C12orf60: variants seen among roughly 807,000 people sequenced by gnomAD.
The protein encoded by C12orf60 is uncharacterized protein C12orf60.
For synonymous variants in C12orf60, 102 were observed against 94.6 expected (o/e 1.08, Z -0.45); for missense variants, 284 against 283.2 (o/e 1.00, Z -0.02).
intron 1 of C12orf60, among the ~76,000 whole-genome samples, chr12:14,812,912 T>A (rs1180084976): frequency 6.6e-6 from 1 of 152,160 alleles, no homozygotes; most frequent in Non-Finnish European, 1.5e-5. Context: ...GTTTAAATAT[T>A]GTTGATTTGG....
intron 1 of C12orf60, chr12:14,805,915 C>G (rs1950040196): frequency 2.3e-6 from 3 of 1,285,120 alleles, no homozygotes; most frequent in African/African-American, 1.5e-5. Context: ...ATATTGGAAG[C>G]CTATAGAAAA....
intron 1 of C12orf60, among the ~76,000 whole-genome samples, chr12:14,813,200 G>A (rs532884045): frequency 1.3e-5 from 2 of 152,270 alleles, no homozygotes; most frequent in Admixed American, 6.5e-5. Flanking sequence ...AAAGAAAAAC[G>A]TGACCCTGTC....
At position 14,822,979 on chromosome 12, in the gene C12orf60, C is replaced by G; in HGVS notation, c.44C>G (p.Ala15Gly). The G allele has an allele frequency of 6.2e-7, 1 of 1,605,978 alleles. No individual in the cohort carries two copies. The highest frequency in any genetic ancestry group is 1.1e-5 in the South Asian group (1 of 90,514). ...SEKDKERLIQ[A>G]AKMFFFHVQD... ...AAGGATAAAGAGAGACTGATTCAAG[C>G]TGCCAAAATGTTCTTCTTTCATGTA... Residue 15 changes from alanine to glycine, a missense_variant, in exon 2 of 2, where the codon GCT (alanine) becomes GGT (glycine). By Grantham distance (60) the Ala-to-Gly change is moderately conservative. Coordinates refer to ENST00000330828, the MANE Select transcript of C12orf60 (RefSeq NM_175874.4).
intron 1 of C12orf60, among the ~76,000 whole-genome samples, chr12:14,818,177 G>T (rs973157518): frequency 1.3e-5 from 2 of 151,926 alleles, no homozygotes; most frequent in African/African-American, 4.8e-5. Flanking sequence ...TTTTGATAGG[G>T]TTGTAAATTT....
chr12:14,811,359 G>A (rs776629001), intron 1 of C12orf60, among the ~76,000 whole-genome samples: 3 of 152,174 alleles, frequency 2.0e-5, no homozygotes, highest in Non-Finnish European at 4.4e-5. Flanking sequence ...TGGAGCAGCT[G>A]TGCTTTCTCT....
chr12:14,804,308 A>G (rs1213302125), intron 1 of C12orf60, among the ~76,000 whole-genome samples: 1 of 152,032 alleles, frequency 6.6e-6, no homozygotes, highest in Non-Finnish European at 1.5e-5. Flanking sequence ...GTCAGCCCCC[A>G]CTTATTTCCC....
At chr12:14,808,267 G>C (rs187067627) in intron 1 of C12orf60, among the ~76,000 whole-genome samples, 1 of 152,108 alleles carries the variant, frequency 6.6e-6, no homozygotes, top group Non-Finnish European at 1.5e-5. Context: ...TAACAGTCAT[G>C]CTCTTCTGTG....
rs1950331194 is a variant in C12orf60 at position 14,823,090 on chromosome 12, A to G, written c.155A>G (p.Asn52Ser). The G allele has an allele frequency of 6.2e-7, 1 of 1,614,026 alleles. No homozygotes were observed. Among genetic ancestry groups the G allele is most frequent in the Non-Finnish European group, 8.5e-7 (1 of 1,180,024 alleles). The change falls in exon 2 of 2, where the codon AAC (asparagine) becomes AGC (serine). Residue 52 changes from asparagine to serine, a missense_variant. Physicochemically the swap from Asn to Ser is conservative, Grantham distance 46. Transcript: ENST00000330828. ...CAAATCCTTTTGATGGCTGTGAAAA[A>G]CAATAGTTACATTAAGGATTTTTTT... ...NTQILLMAVK[N>S]NSYIKDFFEQ...
At chr12:14,818,358 A>G (rs1023374657) in intron 1 of C12orf60, among the ~76,000 whole-genome samples, 5 of 152,202 alleles carry the variant, frequency 3.3e-5, no homozygotes, top group Non-Finnish European at 7.3e-5. Flanking sequence ...TTTTGTTGCA[A>G]TTGCTTTTGG....
At chr12:14,812,357 T>C (rs1950153899) in intron 1 of C12orf60, among the ~76,000 whole-genome samples, 1 of 151,754 alleles carries the variant, frequency 6.6e-6, no homozygotes, top group Non-Finnish European at 1.5e-5. Context: ...GGCAGGAGAA[T>C]GGCATGAGCC....
intron 1 of C12orf60, among the ~76,000 whole-genome samples, chr12:14,812,423 G>T (rs1173951999): frequency 6.6e-6 from 1 of 151,830 alleles, no homozygotes; most frequent in Non-Finnish European, 1.5e-5. Context: ...CGGCCTGGGT[G>T]ACAGAGGGAG....
chr12:14,803,801 C>A (rs977793537), intron 1 of C12orf60, 50 bp downstream of exon 1: 1 of 277,520 alleles, frequency 3.6e-6, no homozygotes, highest in Non-Finnish European at 6.7e-6. Context: ...AAGAAGCGTT[C>A]TGCGTTTTCT....
At chr12:14,810,209 C>T (rs1950115698) in intron 1 of C12orf60, among the ~76,000 whole-genome samples, 1 of 152,178 alleles carries the variant, frequency 6.6e-6, no homozygotes, top group Non-Finnish European at 1.5e-5. Context: ...ATATCTTCAG[C>T]AGGCCTGCCA....
rs377041354 is a variant in C12orf60 at position 14,824,185 on chromosome 12, A to G, written c.*512A>G. 2 of 152,470 alleles carry G rather than the reference A, an allele frequency of 1.3e-5. No homozygotes were observed. The highest frequency in any genetic ancestry group is 4.8e-5 in the African/African-American group (2 of 41,478). 9.4% of individuals were successfully genotyped at this position (152,470 alleles called of 1,614,324 possible). A position where few individuals can be genotyped will look rare whatever the true frequency, so the allele number is the denominator to read the frequency against. ...ATATGATTCATAAGTAAGTGAGAACAGTGAATGAGCAATAATAGACTTTTC... is the reference window on the plus strand; with the variant it reads ...ATATGATTCATAAGTAAGTGAGAACGGTGAATGAGCAATAATAGACTTTTC... On this transcript the variant is annotated 3_prime_UTR_variant, in exon 2 of 2. Coordinates refer to ENST00000330828, the MANE Select transcript of C12orf60 (RefSeq NM_175874.4).
chr12:14,820,159 TG>T (rs1381047346), intron 1 of C12orf60, among the ~76,000 whole-genome samples: 1 of 152,054 alleles, frequency 6.6e-6, no homozygotes, highest in African/African-American at 2.4e-5. Flanking sequence ...CACTCAGAGT[TG>T]TTTATAGTGT....
At chr12:14,811,033 T>G (rs1950127875) in intron 1 of C12orf60, among the ~76,000 whole-genome samples, 1 of 152,228 alleles carries the variant, frequency 6.6e-6, no homozygotes, top group Non-Finnish European at 1.5e-5. Flanking sequence ...GACCTGTCAC[T>G]TTCAAAGATT....
At chr12:14,807,323 T>A (rs1221320084) in intron 1 of C12orf60, among the ~76,000 whole-genome samples, 2 of 152,198 alleles carry the variant, frequency 1.3e-5, no homozygotes, top group African/African-American at 4.8e-5. Flanking sequence ...TTAATAACTT[T>A]TATTTGAAAC....
Position 14,808,712 on chromosome 12 carries a change from G to A in C12orf60, c.-25+4961G>A, listed in dbSNP as rs193302778. ...GTTGTTAGATTTAGAAAAATGCACT[G>A]GAACCTCCTGGTAAAATAAACTACC... On this transcript the variant is annotated intron_variant, in intron 1 of 1. Coordinates refer to ENST00000330828, the MANE Select transcript of C12orf60 (RefSeq NM_175874.4). Among the ~76,000 whole-genome samples the A allele has an allele frequency of 2.0e-3, 306 of 152,254 alleles. 2 individuals carry two copies. The highest frequency in any genetic ancestry group is 7.0e-3 in the African/African-American group (291 of 41,544).
chr12:14,823,707 A>G lies in C12orf60; in HGVS notation c.*34A>G, dbSNP rs1950342635. The G allele has an allele frequency of 1.3e-6, 2 of 1,504,060 alleles. No individual in the cohort carries two copies. The highest frequency in any genetic ancestry group is 8.9e-7 in the Non-Finnish European group (1 of 1,129,690). 93.2% of individuals were successfully genotyped at this position (1,504,060 alleles called of 1,614,324 possible). A position where few individuals can be genotyped will look rare whatever the true frequency, so the allele number is the denominator to read the frequency against. ...CAGAAATGTTCATTTCTGTCAGAAA[A>G]CTACTTAAAATCTTATGGTTTTTCA... On this transcript the variant is annotated 3_prime_UTR_variant, in exon 2 of 2. Transcript: ENST00000330828.
Sources: gnomAD v4.1 joint callset for allele counts (sites outside exome capture counted in the v4.1 genomes callset) on GRCh38, gnomAD v4.1.1 for gene constraint, MANE v1.5 for transcripts, NCBI Gene and HGNC (gene_info 2026-07-23, HGNC 2026-07-21) for gene names.